GLRA1: variants seen among roughly 807,000 people sequenced by gnomAD.
GLRA1 encodes glycine receptor subunit alpha-1.
In GLRA1, 37 loss-of-function variants were observed where a neutral mutation model predicts 48.3. The ratio of observed to expected loss-of-function variants is 0.77; its 90% CI spans 0.59 to 1.01. The LOEUF is 1.01. Ranked by LOEUF, GLRA1 falls within the 50% of genes least tolerant of loss-of-function variation. The pLI, the probability that GLRA1 is intolerant of heterozygous loss-of-function variation, is 0.00. For missense variants in GLRA1, 427 were observed against 571.0 expected, an observed-to-expected ratio of 0.75 and a Z score of 2.57; for synonymous variants, 196 against 210.7, an observed-to-expected ratio of 0.93 and a Z score of 0.60.
At chr5:151,866,837 C>T (rs2113371645) in intron 3 of GLRA1, among the ~76,000 whole-genome samples, 1 of 152,242 alleles carries the variant, frequency 6.6e-6, no homozygotes, top group East Asian at 1.9e-4. Context: ...CATGCGGTGG[C>T]TCACGCCTGT....
intron 5 of GLRA1, among the ~76,000 whole-genome samples, chr5:151,855,713 G>A (rs79184950): frequency 7.3e-4 from 111 of 152,342 alleles, no homozygotes; most frequent in Middle Eastern, 6.8e-3. Context: ...TGGTCCATTA[G>A]TTCCTGTTGC....
At chr5:151,875,286 C>T (rs889215773) in intron 3 of GLRA1, among the ~76,000 whole-genome samples, 5 of 152,186 alleles carry the variant, frequency 3.3e-5, no homozygotes, top group Admixed American at 3.3e-4. Flanking sequence ...TCTCCTCTCT[C>T]CTCAGCCTCC....
chr5:151,894,106 G>T (rs117391199), intron 1 of GLRA1, among the ~76,000 whole-genome samples: 1 of 152,174 alleles, frequency 6.6e-6, no homozygotes, highest in Non-Finnish European at 1.5e-5. Flanking sequence ...GTGGGGCTGG[G>T]ATGTTGGAGG....
In GLRA1 at chr5:151,904,579, G is replaced by A. The variant is rs1754433609; in HGVS notation, c.57-12141C>T. 2.0e-5 allele frequency among the ~76,000 whole-genome samples: 3 copies of A among 151,968 alleles called. No individual in the cohort carries two copies. The South Asian group carries it at 6.2e-4, about 32-fold the overall frequency. On this transcript the variant is annotated intron_variant, in intron 1 of 8. Transcript: ENST00000274576. ...AGAAAGCATAAGAACTTGTTTTTTG[G>A]CTGAAAAAGGGCATGCTCCAGGGCT...
intron 7 of GLRA1, among the ~76,000 whole-genome samples, chr5:151,831,173 G>A (rs4419575): frequency 0.38 from 57,930 of 151,934 alleles, 11,174 homozygotes; most frequent in South Asian, 0.45. Context: ...AGATTCCCTC[G>A]GGTGCCTGTG....
intron 1 of GLRA1, among the ~76,000 whole-genome samples, chr5:151,898,407 C>T (rs1754276397): frequency 6.6e-6 from 1 of 152,120 alleles, no homozygotes; most frequent in African/African-American, 2.4e-5. Context: ...GTTGCAACAT[C>T]AATTGAAATA....
chr5:151,848,393 G>A (rs538277980), intron 7 of GLRA1, among the ~76,000 whole-genome samples: 33 of 152,120 alleles, frequency 2.2e-4, no homozygotes, highest in Middle Eastern at 3.4e-3. Context: ...TTTAGATGGA[G>A]TCTCACTCTG....
At chr5:151,894,124 T>C (rs1754171138) in intron 1 of GLRA1, among the ~76,000 whole-genome samples, 1 of 152,040 alleles carries the variant, frequency 6.6e-6, no homozygotes, top group South Asian at 2.1e-4. Flanking sequence ...AGGAAATGCA[T>C]AGAGATATGA....
intron 8 of GLRA1, 58 bp downstream of exon 8, chr5:151,828,863 T>G: frequency 1.3e-6 from 2 of 1,528,456 alleles, no homozygotes; most frequent in East Asian, 4.5e-5. Context: ...CAATACTGCT[T>G]AGAACTCTTT....
chr5:151,850,747 T>C lies in GLRA1; in HGVS notation c.912+643A>G, dbSNP rs1444164669. 9 of 1,039,420 alleles carry C rather than the reference T, an allele frequency of 8.7e-6. No individual in the cohort carries two copies. In the African/African-American group the frequency reaches 1.2e-4, roughly 14 times the overall value. 64.4% of individuals were successfully genotyped at this position (1,039,420 alleles called of 1,614,324 possible). A position where few individuals can be genotyped will look rare whatever the true frequency, so the allele number is the denominator to read the frequency against. ...GGTGACAGAAGCCCTCATCAACACGTGTCTTCTCAATGAAACCGGCAATGA... is the reference window on the plus strand; with the variant it reads ...GGTGACAGAAGCCCTCATCAACACGCGTCTTCTCAATGAAACCGGCAATGA... On this transcript the variant is annotated intron_variant, in intron 7 of 8. Coordinates refer to ENST00000274576, the MANE Select transcript of GLRA1 (RefSeq NM_000171.4).
At position 151,914,237 on chromosome 5, in the gene GLRA1, C is replaced by G. The variant is rs575930409; in HGVS notation, c.56+10257G>C. Among the ~76,000 whole-genome samples the G allele has an allele frequency of 3.3e-5, 5 of 152,296 alleles. No homozygotes were observed. In the South Asian group the frequency reaches 1.0e-3, roughly 32 times the overall value. Reference sequence around the variant, plus strand: ...TCAGAGAGCTATTGAAAACAGATGTCTGAGACAGCATTGCCTGAGTTTCCC... The same window carrying G: ...TCAGAGAGCTATTGAAAACAGATGTGTGAGACAGCATTGCCTGAGTTTCCC... On this transcript the variant is annotated intron_variant, in intron 1 of 8. Coordinates refer to ENST00000274576, the MANE Select transcript of GLRA1 (RefSeq NM_000171.4).
chr5:151,892,606 C>CA (rs1754107813), intron 1 of GLRA1, among the ~76,000 whole-genome samples, 168 bp from the exon 2 acceptor site: 2 of 152,208 alleles, frequency 1.3e-5, no homozygotes, highest in Non-Finnish European at 2.9e-5. Flanking sequence ...ATTGTTTACC[C>CA]AGCCCAAATA....
chr5:151,849,034 GC>G, intron 7 of GLRA1: 1 of 551,650 alleles, frequency 1.8e-6, no homozygotes, highest in Non-Finnish European at 3.4e-6. Context: ...TGGACAGTGA[GC>G]CCAACTGTGT....
chr5:151,912,262 G>GT (rs370730368), intron 1 of GLRA1, among the ~76,000 whole-genome samples: 50,484 of 121,594 alleles, frequency 0.42, 11,510 homozygotes, highest in African/African-American at 0.47. Flanking sequence ...TGTGAAGACT[G>GT]TTTTTTTTTT....
At position 151,859,964 on chromosome 5, in the gene GLRA1, G is replaced by A. The variant is rs369500388; in HGVS notation, c.297C>T (p.Pro99=). The A allele has an allele frequency of 2.2e-5, 36 of 1,614,134 alleles. No individual in the cohort carries two copies. The African/African-American group carries it at 4.4e-4, about 20-fold the overall frequency. The change falls in exon 4 of 9, where the codon CCC becomes CCT. Residue 99 remains proline, a synonymous_variant. Transcript: ENST00000274576. ...NIFLRQQWND[P]RLAYNEYPDD... The stretch of plus-strand genomic sequence containing the variant: ...CAGGGTATTCATTATAGGCCAGGCG[G>A]GGGTCGTTCCATTGCTGCCGCAGGA...
intron 1 of GLRA1, among the ~76,000 whole-genome samples, chr5:151,921,526 A>G (rs996438216): frequency 6.6e-6 from 1 of 152,202 alleles, no homozygotes; most frequent in African/African-American, 2.4e-5. Flanking sequence ...ATCCAGTTAA[A>G]AGTGTCAACA....
chr5:151,850,388 T>G, intron 7 of GLRA1: 1 of 1,288,554 alleles, frequency 7.8e-7, no homozygotes, highest in South Asian at 1.2e-5. Flanking sequence ...TAGCAACCTT[T>G]GATCCCAAGC....
chr5:151,866,635 A>G (rs1275291175), intron 3 of GLRA1, among the ~76,000 whole-genome samples: 1 of 151,456 alleles, frequency 6.6e-6, no homozygotes, highest in Non-Finnish European at 1.5e-5. Flanking sequence ...GGGATATCTC[A>G]TCTCGAAACT....
At chr5:151,923,118 G>A (rs1190250513) in intron 1 of GLRA1, among the ~76,000 whole-genome samples, 1 of 152,204 alleles carries the variant, frequency 6.6e-6, no homozygotes, top group Non-Finnish European at 1.5e-5. Flanking sequence ...AGTCTGATCT[G>A]TGGTCAGGAC....
Sources: allele counts gnomAD v4.1 joint callset (sites outside exome capture counted in the v4.1 genomes callset), GRCh38; gene constraint gnomAD v4.1.1; transcripts MANE v1.5; gene names NCBI Gene and HGNC (gene_info 2026-07-23, HGNC 2026-07-21).